FRMD5: variants seen among roughly 807,000 people sequenced by gnomAD.
FRMD5 encodes FERM domain containing 5.
In FRMD5, 20 loss-of-function variants were observed where a neutral mutation model predicts 69.0. That is an observed-to-expected ratio of 0.29 (90% CI 0.20 to 0.42). The LOEUF is 0.42. FRMD5 is among the 10% of genes least tolerant of loss of function. The pLI is 1.00. For synonymous variants in FRMD5, 271 were observed against 260.1 expected (o/e 1.04, Z -0.40); for missense variants, 595 against 708.6 (o/e 0.84, Z 1.82).
intron 1 of FRMD5, chr15:43,989,754 G>A (rs1845410616): frequency 1.0e-6 from 1 of 996,134 alleles, no homozygotes; most frequent in South Asian, 1.3e-5. Flanking sequence ...GGCCAGAGGT[G>A]TACAGGGACA....
intron 1 of FRMD5, among the ~76,000 whole-genome samples, chr15:44,094,261 T>C (rs2076519096): frequency 6.6e-6 from 1 of 152,168 alleles, no homozygotes; most frequent in South Asian, 2.1e-4. Flanking sequence ...AAGAGGCAGA[T>C]ATGCAAACAA....
intron 1 of FRMD5, among the ~76,000 whole-genome samples, chr15:44,031,989 G>C (rs1891704176): frequency 1.3e-5 from 2 of 152,064 alleles, no homozygotes; most frequent in African/African-American, 4.8e-5. Flanking sequence ...GCATAGTACT[G>C]GTACTAAAAC....
chr15:44,098,913 A>T (rs2076595519), intron 1 of FRMD5, among the ~76,000 whole-genome samples: 1 of 152,232 alleles, frequency 6.6e-6, no homozygotes, highest in African/African-American at 2.4e-5. Flanking sequence ...AAGATAATTG[A>T]TTTGCAAATG....
At chr15:43,970,941 T>C (rs1438670115) in intron 1 of FRMD5, among the ~76,000 whole-genome samples, 1 of 151,892 alleles carries the variant, frequency 6.6e-6, no homozygotes, top group Admixed American at 6.6e-5. Context: ...GAGGAAAAAA[T>C]TCAGGCCCTT....
intron 7 of FRMD5, 70 bp downstream of exon 7, chr15:43,902,105 A>T: frequency 1.8e-6 from 2 of 1,122,006 alleles, no homozygotes; most frequent in South Asian, 2.5e-5. Context: ...GAGCGCAGGC[A>T]TGGGGGCTCT....
intron 13 of FRMD5, among the ~76,000 whole-genome samples, chr15:43,875,363 A>ATATATAT (rs1555465599): frequency 6.6e-5 from 7 of 105,326 alleles, no homozygotes; most frequent in African/African-American, 2.0e-4. Context: ...AAAAAAAAAA[A>ATATATAT]ATATATATAT....
chr15:43,994,827 A>C (rs1191168268), intron 1 of FRMD5, among the ~76,000 whole-genome samples: 1 of 152,270 alleles, frequency 6.6e-6, no homozygotes, highest in South Asian at 2.1e-4. Context: ...TTGACTGTGT[A>C]CTTACTTTTA....
intron 1 of FRMD5, among the ~76,000 whole-genome samples, chr15:44,088,845 T>C (rs1356357925): frequency 6.6e-6 from 1 of 152,172 alleles, no homozygotes. Context: ...GCCAGTGATG[T>C]CAGAGATGGG....
chr15:44,059,503 G>C (rs1304728128), intron 1 of FRMD5, among the ~76,000 whole-genome samples: 1 of 151,910 alleles, frequency 6.6e-6, no homozygotes, highest in Non-Finnish European at 1.5e-5. Context: ...CTTAGTATGG[G>C]TCACTATATT....
intron 1 of FRMD5, among the ~76,000 whole-genome samples, chr15:44,186,243 C>CAAT (rs2078099501): frequency 6.6e-6 from 1 of 152,126 alleles, no homozygotes; most frequent in Non-Finnish European, 1.5e-5. Context: ...GTGTTATGAT[C>CAAT]AATGTTCTTA....
intron 1 of FRMD5, chr15:44,063,538 G>T (rs1893182319): frequency 2.0e-6 from 1 of 489,274 alleles, no homozygotes; most frequent in South Asian, 1.6e-5. Context: ...CAGGGTAAAT[G>T]AATTTAGTTG....
intron 1 of FRMD5, chr15:43,989,671 G>A (rs1889574109): frequency 1.1e-6 from 1 of 940,584 alleles, no homozygotes; most frequent in South Asian, 1.3e-5. Flanking sequence ...TGGCATGGGG[G>A]AGGGCATACT....
At chr15:43,991,765 T>C (rs1335763735) in intron 1 of FRMD5, among the ~76,000 whole-genome samples, 1 of 152,224 alleles carries the variant, frequency 6.6e-6, no homozygotes, top group Non-Finnish European at 1.5e-5. Context: ...TGATGTGTTC[T>C]CCATTCTCCT....
chr15:43,895,485 TGTTAGA>T (rs1887425883), intron 7 of FRMD5, among the ~76,000 whole-genome samples: 2 of 152,224 alleles, frequency 1.3e-5, no homozygotes, highest in South Asian at 2.1e-4. Context: ...TGAAGGCAGG[TGTTAGA>T]GTTAGAGGAG....
chr15:43,973,254 C>G (rs533338823), intron 1 of FRMD5, among the ~76,000 whole-genome samples: 1 of 152,238 alleles, frequency 6.6e-6, no homozygotes, highest in South Asian at 2.1e-4. Context: ...GATCTCCTGA[C>G]CTCATGATCC....
intron 1 of FRMD5, among the ~76,000 whole-genome samples, chr15:44,010,178 T>C (rs775206156): frequency 1.3e-5 from 2 of 152,234 alleles, no homozygotes; most frequent in Admixed American, 6.5e-5. Context: ...CTGAGGGAAC[T>C]TTCTGCCATG....
chr15:43,993,212 G>C (rs760001053), intron 1 of FRMD5, among the ~76,000 whole-genome samples: 1 of 151,832 alleles, frequency 6.6e-6, no homozygotes, highest in Non-Finnish European at 1.5e-5. Flanking sequence ...TTTTGTTTTT[G>C]GGATGGAGTC....
chr15:43,886,069 GAAT>G (rs1279936799), intron 10 of FRMD5, among the ~76,000 whole-genome samples: 2 of 152,194 alleles, frequency 1.3e-5, no homozygotes, highest in Non-Finnish European at 2.9e-5. Flanking sequence ...TGGTCTTGGG[GAAT>G]AATAGAATGC....
intron 1 of FRMD5, among the ~76,000 whole-genome samples, chr15:43,934,208 G>A (rs1464865965): frequency 6.6e-6 from 1 of 152,214 alleles, no homozygotes; most frequent in Admixed American, 6.5e-5. Context: ...CCATGCCAAG[G>A]AGGCAAGTCC....
Sources: allele counts gnomAD v4.1 joint callset (sites outside exome capture counted in the v4.1 genomes callset), GRCh38; gene constraint gnomAD v4.1.1; transcripts MANE v1.5; gene names NCBI Gene and HGNC (gene_info 2026-07-23, HGNC 2026-07-21).